EPAS1: variants seen among roughly 807,000 people sequenced by gnomAD.
The protein encoded by EPAS1 is endothelial PAS domain protein 1.
A neutral mutation model predicts 87.9 loss-of-function variants in EPAS1; 23 were observed. The observed-to-expected ratio is 0.26, with a 90% CI of 0.19 to 0.37. The LOEUF is 0.37. Among genes scored for constraint, EPAS1 ranks in the 10% least tolerant of loss-of-function variants. EPAS1 has a pLI of 1.00. For synonymous variants in EPAS1, 508 were observed against 444.3 expected (o/e 1.14, Z -1.80); for missense variants, 1,138 against 1,120.7 (o/e 1.02, Z -0.22).
chr2:46,326,030 A>C (rs1683555353), intron 1 of EPAS1, among the ~76,000 whole-genome samples: 1 of 152,188 alleles, frequency 6.6e-6, no homozygotes, highest in Admixed American at 6.5e-5. Context: ...TGCTATTTTG[A>C]ATATTTGAGA....
rs1442227852 is a variant in EPAS1, at chr2:46,360,777, G to A, written c.573+21G>A. The stretch of plus-strand genomic sequence containing the variant: ...GGAAGGTAGGGCAACATCAGGCCTG[G>A]GTTGGAGTCCCAGGTGTAGGGTAAC... On this transcript the variant is annotated intron_variant, in intron 5 of 15. Transcript: ENST00000263734. This position sits in a 1 kb window ranked among gnomAD's most constrained non-coding sequence, Gnocchi z 4.5. 1 of 1,613,574 alleles carries A rather than the reference G, an allele frequency of 6.2e-7. No individual in the cohort carries two copies. Among genetic ancestry groups the A allele is most frequent in the Non-Finnish European group, 8.5e-7 (1 of 1,179,656 alleles).
At chr2:46,315,155 C>T (rs1364800939) in intron 1 of EPAS1, among the ~76,000 whole-genome samples, 4 of 152,136 alleles carry the variant, frequency 2.6e-5, no homozygotes, top group African/African-American at 9.7e-5. Context: ...GACTCATATA[C>T]ATGTACATGA....
chr2:46,314,734 G>C (rs1683279032), intron 1 of EPAS1, among the ~76,000 whole-genome samples: 1 of 152,228 alleles, frequency 6.6e-6, no homozygotes, highest in South Asian at 2.1e-4. Context: ...TGATTGGTCG[G>C]GAGCTGGAGG....
chr2:46,357,440 C>G (rs2103630650), intron 4 of EPAS1, among the ~76,000 whole-genome samples: 1 of 152,300 alleles, frequency 6.6e-6, no homozygotes, highest in African/African-American at 2.4e-5. Flanking sequence ...CTCTCCCTCT[C>G]CATATGGTGT....
chr2:46,356,284 G>A lies in EPAS1; in HGVS notation c.351G>A (p.Lys117=), dbSNP rs1684270848. 5.0e-6 allele frequency: 8 copies of A among 1,614,164 alleles called. No homozygotes were observed. Among genetic ancestry groups the A allele is most frequent in the East Asian group, 2.2e-5 (1 of 44,882 alleles). ...DMIFLSENIS[K]FMGLTQVELT... is the part of the protein sequence containing the mutation. ...TCTTTCTGTCAGAAAACATCAGCAA[G>A]TTCATGGGACTTACACAGGTGACAC... is the stretch of plus-strand genomic sequence containing the variant. The change falls in exon 3 of 16, where the codon AAG becomes AAA. Residue 117 remains lysine (K), a synonymous_variant. Transcript: ENST00000263734.
In EPAS1 at chr2:46,360,022, G is replaced by A. The variant is rs962079766; in HGVS notation, c.455-616G>A. Among the ~76,000 whole-genome samples, 3 of 152,208 alleles carry A rather than the reference G, an allele frequency of 2.0e-5. No homozygotes were observed. The highest frequency in any genetic ancestry group is 7.2e-5 in the African/African-American group (3 of 41,460). ...AGTGGACTTGCTCACCAAGTCCACT[G>A]TAAGGAGATTCGTACCAGAGTTCTC... On this transcript the variant is annotated intron_variant, in intron 4 of 15. Transcript: ENST00000263734. This position sits in a 1 kb window ranked among gnomAD's most constrained non-coding sequence, Gnocchi z 4.5.
chr2:46,343,494 T>A (rs1683951333), intron 1 of EPAS1, among the ~76,000 whole-genome samples: 1 of 152,192 alleles, frequency 6.6e-6, no homozygotes, highest in South Asian at 2.1e-4. Context: ...TTTGAGACAA[T>A]GTTTTTAGCA....
intron 1 of EPAS1, among the ~76,000 whole-genome samples, chr2:46,311,279 C>T (rs534668192): frequency 3.3e-5 from 5 of 152,132 alleles, no homozygotes; most frequent in Non-Finnish European, 7.4e-5. Context: ...GGTTCAATGA[C>T]TCGCTCCACA....
At chr2:46,359,365 C>A (rs2103633951) in intron 4 of EPAS1, among the ~76,000 whole-genome samples, 1 of 151,372 alleles carries the variant, frequency 6.6e-6, no homozygotes, top group South Asian at 2.1e-4. Context: ...ACAAATGAAT[C>A]CCTCCAGCCC....
chr2:46,343,207 C>T (rs951088806), intron 1 of EPAS1, among the ~76,000 whole-genome samples: 6 of 152,172 alleles, frequency 3.9e-5, no homozygotes, highest in African/African-American at 7.2e-5. Context: ...CCCGCCGACC[C>T]CATCTGAACT....
rs1427911292 is a variant in EPAS1, at chr2:46,360,251, TC to T, written c.455-386del. 6.6e-6 allele frequency among the ~76,000 whole-genome samples: 1 copy of T among 152,220 alleles called. No individual in the cohort carries two copies. The highest frequency in any genetic ancestry group is 1.5e-5 in the Non-Finnish European group (1 of 68,042). On this transcript the variant is annotated intron_variant, in intron 4 of 15. Transcript: ENST00000263734. The surrounding 1 kb of genome is among the most constrained non-coding windows in gnomAD (Gnocchi z 4.5). ...ACCCTTGGAGTAACTGTGGCCTCAC[TC>T]AGACTGTCCCTTGGAATTTCTGCGA...
intron 6 of EPAS1, among the ~76,000 whole-genome samples, chr2:46,362,635 G>A (rs2103640157): frequency 6.6e-6 from 1 of 152,272 alleles, no homozygotes; most frequent in East Asian, 1.9e-4. Context: ...AAGGGCATCT[G>A]GTTTCTTCAT....
In EPAS1 at chr2:46,380,238, T is replaced by G. The variant is rs778938585; in HGVS notation, c.1566T>G (p.Asn522Lys). 1.9e-6 allele frequency: 3 copies of G among 1,611,954 alleles called. No homozygotes were observed. Among genetic ancestry groups the G allele is most frequent in the Non-Finnish European group, 2.5e-6 (3 of 1,179,992 alleles). The part of the protein sequence containing the change: ...KDQCSTQTDF[N>K]ELDLETLAPY... ...CTGTCTCCCCTCAGACGGATTTCAA[T>G]GAGCTGGACTTGGAGACACTGGCAC... Residue 522 changes from asparagine (N) to lysine (K), a missense_variant, in exon 12 of 16, where the codon AAT becomes AAG. By Grantham distance (94) the Asn-to-Lys change is moderately conservative. This residue lies in a region of EPAS1 where 284 missense variants were observed against 258.4 expected (regional missense o/e 1.10). Coordinates refer to ENST00000263734, the MANE Select transcript of EPAS1 (RefSeq NM_001430.5). This position sits in a 1 kb window ranked among gnomAD's most constrained non-coding sequence, Gnocchi z 4.4.
chr2:46,311,837 A>G (rs573188394), intron 1 of EPAS1, among the ~76,000 whole-genome samples: 1 of 152,318 alleles, frequency 6.6e-6, no homozygotes, highest in South Asian at 2.1e-4. Context: ...AGCCAGCCCA[A>G]GGCCTTGGGA....
rs767799905 is a variant in EPAS1 at position 46,380,547 on chromosome 2, C to T, written c.1875C>T (p.Ser625=). ...ASLPPCCGQA[S]TPLSSMGGRS... ...TGCCACCGTGCTGTGGCCAGGCCAG[C>T]ACCCCTCTCTCTTCCATGGGGGGCA... Residue 625 remains serine (S), a synonymous_variant, in exon 12 of 16, where the codon AGC becomes AGT. Coordinates refer to ENST00000263734, the MANE Select transcript of EPAS1 (RefSeq NM_001430.5). The surrounding 1 kb of genome is among the most constrained non-coding windows in gnomAD (Gnocchi z 4.4). 7.4e-6 allele frequency: 12 copies of T among 1,614,096 alleles called. No individual in the cohort carries two copies. Among genetic ancestry groups the T allele is most frequent in the Admixed American group, 5.0e-5 (3 of 60,012 alleles).
Position 46,371,673 on chromosome 2 carries a change from G to A in EPAS1, c.886+1740G>A, listed in dbSNP as rs1684629337. The stretch of plus-strand genomic sequence containing the variant: ...GCTTCCTGGTCCCTGAGGGGTTCCT[G>A]TTTTCAAAGGCAGGTGACAGAATCA... On this transcript the variant is annotated intron_variant, in intron 7 of 15. Coordinates refer to ENST00000263734, the MANE Select transcript of EPAS1 (RefSeq NM_001430.5). The surrounding 1 kb of genome is among the most constrained non-coding windows in gnomAD (Gnocchi z 4.3). Among the ~76,000 whole-genome samples, 1 of 152,174 alleles carries A rather than the reference G, an allele frequency of 6.6e-6. No individual in the cohort carries two copies. The highest frequency in any genetic ancestry group is 1.5e-5 in the Non-Finnish European group (1 of 68,038).
At chr2:46,332,330 G>GTATA (rs200557291) in intron 1 of EPAS1, among the ~76,000 whole-genome samples, 337 of 135,898 alleles carry the variant, frequency 2.5e-3, no homozygotes, top group African/African-American at 9.3e-3. Context: ...GTGTGTGTGT[G>GTATA]TGTATCAACT....
chr2:46,321,087 T>G (rs1219159536), intron 1 of EPAS1, among the ~76,000 whole-genome samples: 10 of 152,358 alleles, frequency 6.6e-5, no homozygotes, highest in African/African-American at 2.4e-4. Context: ...ACTTTCTCTA[T>G]GAATATGACT....
chr2:46,331,347 C>T (rs1454014355), intron 1 of EPAS1, among the ~76,000 whole-genome samples: 1 of 152,226 alleles, frequency 6.6e-6, no homozygotes, highest in African/African-American at 2.4e-5. Flanking sequence ...TAAATGAAAG[C>T]CCTGGCTCAT....
Sources: gnomAD v4.1 joint callset for allele counts (sites outside exome capture counted in the v4.1 genomes callset) on GRCh38, gnomAD v4.1.1 for gene constraint, gnomAD v4.1.1 regional missense constraint, Gnocchi (gnomAD v3.1) non-coding constraint, MANE v1.5 for transcripts, NCBI Gene and HGNC (gene_info 2026-07-23, HGNC 2026-07-21) for gene names.